The following SPATA9 variants were observed in gnomAD, a reference collection of about 807,000 sequenced individuals.
SPATA9 encodes spermatogenesis-associated protein 9.
In SPATA9, 27 loss-of-function variants were observed where a neutral mutation model predicts 25.5. The ratio of observed to expected loss-of-function variants is 1.06; its 90% CI spans 0.78 to 1.46. The LOEUF is 1.46. SPATA9 is among the 40% of genes most tolerant of loss of function. The probability of loss-of-function intolerance (pLI) is 0.00; values close to 1 mark genes in which losing one functional copy is unlikely to be tolerated. For missense variants in SPATA9, 282 were observed against 297.5 expected (o/e 0.95, Z 0.38); for synonymous variants, 102 against 105.7 (o/e 0.97, Z 0.21).
chr5:95,699,365 C>A (rs928975986), upstream of SPATA9, among the ~76,000 whole-genome samples: 11 of 152,040 alleles, frequency 7.2e-5, no homozygotes, highest in African/African-American at 2.7e-4. Context: ...TATCACAGTG[C>A]CTGGTATACA....
At chr5:95,696,981 A>C (rs62366971) in intron 1 of SPATA9, among the ~76,000 whole-genome samples, 17,518 of 152,254 alleles carry the variant, frequency 0.12, 1,065 homozygotes, top group Middle Eastern at 0.21. Flanking sequence ...ACTTTGGCTC[A>C]TTTACTAATG....
the SPATA9 span, among the ~76,000 whole-genome samples, chr5:95,705,644 C>T: frequency 3.3e-5 from 5 of 152,128 alleles, no homozygotes; most frequent in South Asian, 2.1e-4. Flanking sequence ...TTGTGGGGAG[C>T]TTGCTTTAAA....
At chr5:95,723,810 C>G in the SPATA9 span, among the ~76,000 whole-genome samples, 1 of 152,160 alleles carries the variant, frequency 6.6e-6, no homozygotes, top group African/African-American at 2.4e-5. Context: ...ACTGTGCTGT[C>G]TCTAAGCTTG....
chr5:95,705,782 AACAC>A, the SPATA9 span, among the ~76,000 whole-genome samples: 2 of 152,208 alleles, frequency 1.3e-5, no homozygotes, highest in Non-Finnish European at 2.9e-5. Context: ...ACTGTCAAGA[AACAC>A]ACAAACATTA....
intron 1 of SPATA9, among the ~76,000 whole-genome samples, chr5:95,690,085 T>A (rs1378107515): frequency 6.6e-6 from 1 of 152,076 alleles, no homozygotes; most frequent in Non-Finnish European, 1.5e-5. Context: ...TTGGGTACTA[T>A]GCTTAATACC....
chr5:95,668,907 T>C (rs1752079515), intron 3 of SPATA9, among the ~76,000 whole-genome samples: 1 of 152,162 alleles, frequency 6.6e-6, no homozygotes, highest in Admixed American at 6.5e-5. Context: ...GTAGTTTACA[T>C]TGTCCAAAAC....
At chr5:95,680,860 G>A (rs1753391335) in intron 2 of SPATA9, among the ~76,000 whole-genome samples, 2 of 152,108 alleles carry the variant, frequency 1.3e-5, no homozygotes, top group Non-Finnish European at 2.9e-5. Flanking sequence ...TATCTCCAAA[G>A]CTGCTCTTCC....
At chr5:95,702,200 T>A (rs1561423511), upstream of SPATA9, among the ~76,000 whole-genome samples, 1 of 132,492 alleles carries the variant, frequency 7.5e-6, no homozygotes, top group East Asian at 2.4e-4. Context: ...TAAAAAAAAA[T>A]TATGGCAAAA....
chr5:95,672,905 T>A (rs1261362456), intron 3 of SPATA9, among the ~76,000 whole-genome samples: 1 of 152,226 alleles, frequency 6.6e-6, no homozygotes, highest in African/African-American at 2.4e-5. Context: ...CTCTCATTCC[T>A]GTGCAGATTG....
At chr5:95,715,557 T>C in the SPATA9 span, among the ~76,000 whole-genome samples, 25 of 152,288 alleles carry the variant, frequency 1.6e-4, no homozygotes, top group Middle Eastern at 3.4e-3. Context: ...AAGAAAATTG[T>C]TTTCCTGTTT....
At chr5:95,732,081 C>T in the SPATA9 span, 1 of 1,613,852 alleles carries the variant, frequency 6.2e-7, no homozygotes, top group African/African-American at 1.3e-5. Context: ...ACTGTCCCGT[C>T]TGGGTAAGGA....
intron 1 of SPATA9, among the ~76,000 whole-genome samples, chr5:95,697,648 C>T (rs1754057509): frequency 1.3e-5 from 2 of 152,146 alleles, no homozygotes; most frequent in Non-Finnish European, 2.9e-5. Flanking sequence ...TACAAAACCA[C>T]CACAAATTGT....
At chr5:95,686,461 T>C (rs1034716761), upstream of SPATA9, among the ~76,000 whole-genome samples, 2 of 152,170 alleles carry the variant, frequency 1.3e-5, no homozygotes. Context: ...CTAGGAAATA[T>C]TATTTCCATA....
the SPATA9 span, among the ~76,000 whole-genome samples, chr5:95,720,826 C>T: frequency 6.6e-5 from 10 of 152,094 alleles, no homozygotes; most frequent in South Asian, 2.1e-4. Flanking sequence ...ATTCTAGTAA[C>T]GACTGATTAT....
the SPATA9 span, chr5:95,731,101 T>G: frequency 9.0e-7 from 1 of 1,114,142 alleles, no homozygotes; most frequent in Non-Finnish European, 1.1e-6. Context: ...CTGGGAGCTC[T>G]CGGGCTGGGG....
chr5:95,657,580 A>C (rs1309725107), downstream of SPATA9: 2 of 152,136 alleles, frequency 1.3e-5, no homozygotes, highest in African/African-American at 2.4e-5. Flanking sequence ...TAAGGAGCCG[A>C]CCTGGACTCT....
chr5:95,667,938 C>T (rs1751976652), intron 3 of SPATA9, among the ~76,000 whole-genome samples: 1 of 152,200 alleles, frequency 6.6e-6, no homozygotes, highest in Non-Finnish European at 1.5e-5. Flanking sequence ...CCACCTCTCT[C>T]TCTTCCTCCT....
chr5:95,731,954 C>T, the SPATA9 span: 1 of 1,614,148 alleles, frequency 6.2e-7, no homozygotes, highest in Non-Finnish European at 8.5e-7. Flanking sequence ...GGGAGAAGCC[C>T]TCTGGTCTCC....
intron 4 of SPATA9, among the ~76,000 whole-genome samples, chr5:95,663,458 A>G (rs1751462778): frequency 6.6e-6 from 1 of 152,184 alleles, no homozygotes; most frequent in Admixed American, 6.5e-5. Flanking sequence ...GTGATAATTC[A>G]TTAAGCTGTA....
Sources: allele counts gnomAD v4.1 joint callset (sites outside exome capture counted in the v4.1 genomes callset), GRCh38; gene constraint gnomAD v4.1.1; transcripts MANE v1.5; gene names NCBI Gene and HGNC (gene_info 2026-07-23, HGNC 2026-07-21).